The following ARHGAP26 variants were observed in gnomAD, a reference collection of about 807,000 sequenced individuals.
The protein encoded by ARHGAP26 is rho GTPase-activating protein 26.
In ARHGAP26, 38 loss-of-function variants were observed where a neutral mutation model predicts 104.8. The observed-to-expected ratio is 0.36, with a 90% CI of 0.28 to 0.48. The LOEUF (loss-of-function observed/expected upper bound fraction) is 0.48. Among genes scored for constraint, ARHGAP26 ranks in the 20% least tolerant of loss-of-function variants. The probability of loss-of-function intolerance (pLI) is 0.99; values close to 1 mark genes in which losing one functional copy is unlikely to be tolerated. For synonymous variants in ARHGAP26, 341 were observed against 340.0 expected (o/e 1.00, Z -0.03); for missense variants, 704 against 947.9 (o/e 0.74, Z 3.38).
chr5:142,982,751 C>T (rs1193857729), intron 11 of ARHGAP26, among the ~76,000 whole-genome samples: 1 of 152,174 alleles, frequency 6.6e-6, no homozygotes, highest in African/African-American at 2.4e-5. Flanking sequence ...AGACTAGCTC[C>T]AAATCACAAG....
chr5:142,949,162 TTCCAGAGAGA>T (rs1767639951), intron 11 of ARHGAP26, among the ~76,000 whole-genome samples: 1 of 57,824 alleles, frequency 1.7e-5, no homozygotes, highest in African/African-American at 6.2e-5. Flanking sequence ...ATAGTTGAAT[TTCCAGAGAGA>T]GAGAGAGAGA....
chr5:143,142,032 G>A (rs1798595624), intron 19 of ARHGAP26, among the ~76,000 whole-genome samples: 1 of 151,162 alleles, frequency 6.6e-6, no homozygotes, highest in Non-Finnish European at 1.5e-5. Flanking sequence ...TGTCCACACA[G>A]AACCAAAATC....
chr5:142,778,492 T>C (rs1455375165), intron 1 of ARHGAP26, among the ~76,000 whole-genome samples: 1 of 152,242 alleles, frequency 6.6e-6, no homozygotes, highest in Non-Finnish European at 1.5e-5. Flanking sequence ...TTTTGTGTTT[T>C]GCTTTTCGAG....
chr5:143,090,849 C>T (rs939807582), intron 17 of ARHGAP26, among the ~76,000 whole-genome samples: 3 of 152,156 alleles, frequency 2.0e-5, no homozygotes, highest in Admixed American at 1.3e-4. Flanking sequence ...ATACTGGGGT[C>T]TTTATCGAAA....
At chr5:143,207,151 T>C in intron 20 of ARHGAP26, 47 bp from the exon 21 acceptor site, 4 of 1,591,382 alleles carry the variant, frequency 2.5e-6, no homozygotes, top group Non-Finnish European at 3.4e-6. Flanking sequence ...GCTCCCATTG[T>C]GGTTTCCCTG....
At chr5:142,874,476 T>C (rs1320111118) in intron 2 of ARHGAP26, among the ~76,000 whole-genome samples, 1 of 152,214 alleles carries the variant, frequency 6.6e-6, no homozygotes, top group East Asian at 1.9e-4. Flanking sequence ...AACTTGTGAA[T>C]GTATGGCTGC....
intron 11 of ARHGAP26, among the ~76,000 whole-genome samples, chr5:142,994,888 C>G (rs1472268414): frequency 1.3e-5 from 2 of 152,046 alleles, no homozygotes; most frequent in Admixed American, 1.3e-4. Flanking sequence ...ATAACAGTTG[C>G]TAGATGAAAA....
chr5:143,160,874 C>A (rs1801146140), intron 20 of ARHGAP26, among the ~76,000 whole-genome samples: 1 of 152,152 alleles, frequency 6.6e-6, no homozygotes, highest in Non-Finnish European at 1.5e-5. Flanking sequence ...TGGCCTCGCC[C>A]AGGGCTCTGT....
chr5:143,224,086 G>T lies in ARHGAP26; in HGVS notation c.*1640G>T. 4.4e-6 allele frequency: 1 copy of T among 225,784 alleles called. No individual in the cohort carries two copies. Among genetic ancestry groups the T allele is most frequent in the East Asian group, 6.3e-5 (1 of 15,782 alleles). The allele number at this position is 225,784 out of a possible 1,614,324, so 14.0% of individuals were successfully genotyped here. The stretch of plus-strand genomic sequence containing the variant: ...AGAAGAAAAGAAAAACTTGAATTGT[G>T]TTGAATTACTGTATCTTTTACTTTT... On this transcript the variant is annotated 3_prime_UTR_variant, in exon 23 of 23. Transcript: ENST00000645722.
At chr5:143,146,711 G>A (rs1320987667) in intron 19 of ARHGAP26, among the ~76,000 whole-genome samples, 1 of 152,244 alleles carries the variant, frequency 6.6e-6, no homozygotes, top group Non-Finnish European at 1.5e-5. Context: ...CAGGAATTTA[G>A]ACTGGTGGAG....
intron 10 of ARHGAP26, among the ~76,000 whole-genome samples, chr5:142,920,893 C>G (rs1455157331): frequency 6.6e-6 from 1 of 152,202 alleles, no homozygotes; most frequent in Non-Finnish European, 1.5e-5. Context: ...CTTTACCCTT[C>G]CATTCTTACA....
chr5:143,160,721 C>T (rs1422221817), intron 20 of ARHGAP26, among the ~76,000 whole-genome samples: 1 of 152,084 alleles, frequency 6.6e-6, no homozygotes, highest in African/African-American at 2.4e-5. Context: ...GCAAGAGATC[C>T]TCCCACCTCG....
chr5:142,968,811 G>C (rs747075273), intron 11 of ARHGAP26, among the ~76,000 whole-genome samples: 2 of 152,202 alleles, frequency 1.3e-5, no homozygotes, highest in Non-Finnish European at 2.9e-5. Flanking sequence ...TTGCCGTTGT[G>C]TATCCCTTCC....
At chr5:142,956,444 G>A (rs910582701) in intron 11 of ARHGAP26, among the ~76,000 whole-genome samples, 2 of 152,088 alleles carry the variant, frequency 1.3e-5, no homozygotes, top group Admixed American at 1.3e-4. Flanking sequence ...AAGTGTGGTG[G>A]TCCATGCCTG....
chr5:142,861,123 C>T (rs547308936), intron 1 of ARHGAP26, among the ~76,000 whole-genome samples: 2 of 152,230 alleles, frequency 1.3e-5, no homozygotes, highest in Non-Finnish European at 1.5e-5. Context: ...GGAATCCAGG[C>T]TGGAGAGGAG....
intron 7 of ARHGAP26, 26 bp downstream of exon 7, chr5:142,902,065 T>A (rs1760428362): frequency 6.3e-7 from 1 of 1,595,678 alleles, no homozygotes; most frequent in Non-Finnish European, 8.6e-7. Context: ...GACAGGCTTC[T>A]TTTATCTGGT....
chr5:142,890,154 ATATATATATATATATATATATAT>A (rs1598103993), intron 5 of ARHGAP26, among the ~76,000 whole-genome samples: 22 of 46,218 alleles, frequency 4.8e-4, no homozygotes, highest in Admixed American at 2.0e-3. Flanking sequence ...AAAAAAAAAT[ATATATATATATATATATATATAT>A]ATATATATAT....
rs574296573 is a variant in ARHGAP26 at position 143,056,091 on chromosome 5, G to A, written c.1432+5G>A. ...GAAGTTTCATCAAAGCAGCAAGTAA[G>A]TCTTTTTTGTCTCAGTTTTAAGGGG... On this transcript the variant is annotated splice_donor_5th_base_variant and intron_variant, in intron 16 of 22. Transcript: ENST00000645722. The A allele has an allele frequency of 1.2e-4, 188 of 1,611,038 alleles. 2 individuals are homozygous for A. In the South Asian group the frequency reaches 2.0e-3, roughly 17 times the overall value.
At chr5:143,037,429 CT>C (rs1782828460) in intron 13 of ARHGAP26, among the ~76,000 whole-genome samples, 168 bp downstream of exon 13, 1 of 152,168 alleles carries the variant, frequency 6.6e-6, no homozygotes, top group Admixed American at 6.5e-5. Flanking sequence ...GAGGTCCTAA[CT>C]GATTTTGTGT....
Sources: gnomAD v4.1 joint callset for allele counts (sites outside exome capture counted in the v4.1 genomes callset) on GRCh38, gnomAD v4.1.1 for gene constraint, MANE v1.5 for transcripts, NCBI Gene and HGNC (gene_info 2026-07-23, HGNC 2026-07-21) for gene names.